PCDH17: variants seen among roughly 807,000 people sequenced by gnomAD.
The protein encoded by PCDH17 is protocadherin-17.
In PCDH17, 21 loss-of-function variants were observed where a neutral mutation model predicts 67.7. The ratio of observed to expected loss-of-function variants is 0.31; its 90% CI spans 0.22 to 0.45. The LOEUF (loss-of-function observed/expected upper bound fraction) is 0.45, where lower values mean the gene tolerates loss of function less well. Ranked by LOEUF, PCDH17 falls within the 20% of genes least tolerant of loss-of-function variation. The pLI is 1.00. For missense variants in PCDH17, 1,471 were observed against 1,564.8 expected (o/e 0.94, Z 1.01); for synonymous variants, 701 against 656.7 (o/e 1.07, Z -1.03).
At chr13:57,712,013 TAGAA>T (rs1464200513) in intron 3 of PCDH17, among the ~76,000 whole-genome samples, 1 of 151,606 alleles carries the variant, frequency 6.6e-6, no homozygotes, top group Non-Finnish European at 1.5e-5. Flanking sequence ...AAAGCCTAGA[TAGAA>T]AGTTTCTTTT....
chr13:57,632,466 C>A lies in PCDH17; in HGVS notation c.-81C>A, dbSNP rs908546790. 1 of 1,431,208 alleles carries A rather than the reference C, an allele frequency of 7.0e-7. No individual in the cohort carries two copies. The highest frequency in any genetic ancestry group is 9.4e-7 in the Non-Finnish European group (1 of 1,064,286). The allele number at this position is 1,431,208 out of a possible 1,614,324, so 88.7% of individuals were successfully genotyped here. A position where few individuals can be genotyped will look rare whatever the true frequency, so the allele number is the denominator to read the frequency against. On this transcript the variant is annotated 5_prime_UTR_variant, in exon 1 of 4. Coordinates refer to ENST00000377918, the MANE Select transcript of PCDH17 (RefSeq NM_001040429.3). Reference sequence around the variant, plus strand: ...TGGCTCGCGTCGCGCGCGCACGCTGCGCCAGGGCCCCAGGCTGGCGCGCAC... The same window carrying A: ...TGGCTCGCGTCGCGCGCGCACGCTGAGCCAGGGCCCCAGGCTGGCGCGCAC...
rs1016975283 is a variant in PCDH17 at position 57,632,993 on chromosome 13, C to A, written c.447C>A (p.Thr149=). The change falls in exon 1 of 4, where the codon ACC becomes ACA. Residue 149 remains threonine, a synonymous_variant. Transcript: ENST00000377918. ...TCTCGGAGAACGCTGCTCCGGGCACCCGCTTCCCCCTCACCAGCGCACATG... is the reference window on the plus strand; with the variant it reads ...TCTCGGAGAACGCTGCTCCGGGCACACGCTTCCCCCTCACCAGCGCACATG... ...MDISENAAPG[T]RFPLTSAHDP... 1.1e-5 allele frequency: 17 copies of A among 1,613,052 alleles called. 1 individual carries two copies. In the Admixed American group the frequency reaches 2.5e-4, roughly 24 times the overall value.
chr13:57,699,736 T>C (rs1031465355), intron 3 of PCDH17, among the ~76,000 whole-genome samples: 4 of 152,068 alleles, frequency 2.6e-5, no homozygotes, highest in South Asian at 2.1e-4. Context: ...TCAAAAATGA[T>C]AAAGATCTTC....
intron 1 of PCDH17, among the ~76,000 whole-genome samples, chr13:57,640,224 T>G (rs1426385931): frequency 6.6e-6 from 1 of 151,982 alleles, no homozygotes; most frequent in Non-Finnish European, 1.5e-5. Context: ...TTGCTGCTTA[T>G]GTACTATAAC....
chr13:57,685,931 T>A (rs1593926406), intron 3 of PCDH17, among the ~76,000 whole-genome samples: 1 of 151,250 alleles, frequency 6.6e-6, no homozygotes, highest in African/African-American at 2.4e-5. Flanking sequence ...TATGAAAAAA[T>A]TTTCTAAAAT....
At chr13:57,670,824 A>T (rs1217929849) in intron 3 of PCDH17, among the ~76,000 whole-genome samples, 1 of 151,510 alleles carries the variant, frequency 6.6e-6, no homozygotes, top group East Asian at 1.9e-4. Context: ...TCCGTTCCTG[A>T]TATTTGTGTA....
At chr13:57,659,103 TTGTGTGTGTG>T (rs71083322) in intron 1 of PCDH17, among the ~76,000 whole-genome samples, 3 of 139,852 alleles carry the variant, frequency 2.1e-5, no homozygotes, top group South Asian at 2.2e-4. Context: ...GTTATTTATA[TTGTGTGTGTG>T]TGTGTGTGTG....
intron 3 of PCDH17, among the ~76,000 whole-genome samples, chr13:57,671,087 C>G (rs7325015): frequency 0.12 from 18,734 of 151,620 alleles, 1,239 homozygotes; most frequent in Non-Finnish European, 0.16. Context: ...TGTTTGTGCC[C>G]TAGTTTTCAA....
chr13:57,701,147 T>C (rs1412861557), intron 3 of PCDH17, among the ~76,000 whole-genome samples: 1 of 152,150 alleles, frequency 6.6e-6, no homozygotes, highest in Non-Finnish European at 1.5e-5. Context: ...GTATTGAGAC[T>C]CATAAAAAAG....
At chr13:57,638,633 A>T (rs1181444549) in intron 1 of PCDH17, among the ~76,000 whole-genome samples, 2 of 152,062 alleles carry the variant, frequency 1.3e-5, no homozygotes. Context: ...TATGCTAGGA[A>T]GATAAAATCC....
Position 57,644,202 on chromosome 13 carries a change from A to C in PCDH17, c.2565+9091A>C, listed in dbSNP as rs1433124103. On this transcript the variant is annotated intron_variant, in intron 1 of 3. Coordinates refer to ENST00000377918, the MANE Select transcript of PCDH17 (RefSeq NM_001040429.3). The stretch of plus-strand genomic sequence containing the variant: ...AGCTGCTGTTTATCCCTATATGGTC[A>C]TAAGGATGGAAATAAGAGAACCATC... Among the ~76,000 whole-genome samples, 6 of 151,634 alleles carry C rather than the reference A, an allele frequency of 4.0e-5. No individual in the cohort carries two copies. In the East Asian group the frequency reaches 1.2e-3, roughly 29 times the overall value.
chr13:57,712,487 T>C (rs1955785400), intron 3 of PCDH17, among the ~76,000 whole-genome samples: 1 of 151,756 alleles, frequency 6.6e-6, no homozygotes, highest in Non-Finnish European at 1.5e-5. Context: ...CTGACTTGCC[T>C]GAATTTAAAT....
chr13:57,676,935 A>G (rs190585274), intron 3 of PCDH17, among the ~76,000 whole-genome samples: 126 of 152,042 alleles, frequency 8.3e-4, no homozygotes, highest in Non-Finnish European at 1.4e-3. Flanking sequence ...ACTGGCATCA[A>G]TGTATAACTT....
chr13:57,707,664 A>C (rs2138084409), intron 3 of PCDH17, among the ~76,000 whole-genome samples: 1 of 152,138 alleles, frequency 6.6e-6, no homozygotes, highest in African/African-American at 2.4e-5. Context: ...AAATGACAGA[A>C]ATTTATTATT....
intron 3 of PCDH17, among the ~76,000 whole-genome samples, chr13:57,687,000 A>T (rs187128755): frequency 2.0e-5 from 3 of 152,034 alleles, no homozygotes; most frequent in Non-Finnish European, 4.4e-5. Context: ...CTTTAAATGC[A>T]TAACTAAGTA....
At position 57,633,633 on chromosome 13, in the gene PCDH17, G is replaced by C; in HGVS notation, c.1087G>C (p.Glu363Gln). The change falls in exon 1 of 4, where the codon GAG becomes CAG. Residue 363 changes from glutamate (E) to glutamine (Q), a missense_variant. Physicochemically the swap from Glu to Gln is conservative, Grantham distance 29. Transcript: ENST00000377918. The surrounding 1 kb of genome is among the most constrained non-coding windows in gnomAD (Gnocchi z 6.2). ...CTCCGTGCGCCAGGGGGCGCTGAGCGAGGCCGCCCCTCCCGGCACCGTCAT... is the reference window on the plus strand; with the variant it reads ...CTCCGTGCGCCAGGGGGCGCTGAGCCAGGCCGCCCCTCCCGGCACCGTCAT... Reference protein sequence around the residue: ...FVSVRQGALSEAAPPGTVIAL... With the variant: ...FVSVRQGALSQAAPPGTVIAL... 1 of 1,609,754 alleles carries C rather than the reference G, an allele frequency of 6.2e-7. No homozygotes were observed. Among genetic ancestry groups the C allele is most frequent in the Non-Finnish European group, 8.5e-7 (1 of 1,180,018 alleles).
At chr13:57,631,506 G>C (rs1430599552), upstream of PCDH17, among the ~76,000 whole-genome samples, 1 of 152,192 alleles carries the variant, frequency 6.6e-6, no homozygotes, top group East Asian at 1.9e-4. Context: ...CTTGCTCGCG[G>C]GGAGAGGATG....
chr13:57,661,790 G>T (rs1337430894), intron 1 of PCDH17, among the ~76,000 whole-genome samples: 1 of 152,090 alleles, frequency 6.6e-6, no homozygotes, highest in Non-Finnish European at 1.5e-5. Flanking sequence ...ACAGTCTTCT[G>T]TTCCATTGTC....
chr13:57,663,339 T>C (rs1955207840), intron 1 of PCDH17, among the ~76,000 whole-genome samples: 1 of 152,172 alleles, frequency 6.6e-6, no homozygotes, highest in Non-Finnish European at 1.5e-5. Context: ...TGTACAAATG[T>C]CTGACCTCAA....
Sources: allele counts gnomAD v4.1 joint callset (sites outside exome capture counted in the v4.1 genomes callset), GRCh38; gene constraint gnomAD v4.1.1; non-coding constraint Gnocchi (gnomAD v3.1); transcripts MANE v1.5; gene names NCBI Gene and HGNC (gene_info 2026-07-23, HGNC 2026-07-21).